Variants in P4HA1 observed in about 807,000 individuals in gnomAD.
The protein encoded by P4HA1 is prolyl 4-hydroxylase subunit alpha 1.
Under a neutral mutation model 72.8 loss-of-function variants are expected in P4HA1, and 24 were observed. The observed-to-expected ratio is 0.33, with a 90% CI of 0.24 to 0.46. The LOEUF (loss-of-function observed/expected upper bound fraction) is 0.46. Among genes scored for constraint, P4HA1 ranks in the 20% least tolerant of loss-of-function variants. The probability of loss-of-function intolerance (pLI) is 1.00; values close to 1 mark genes in which losing one functional copy is unlikely to be tolerated. For synonymous variants in P4HA1, 201 were observed against 218.8 expected (o/e 0.92, Z 0.72); for missense variants, 446 against 640.6 (o/e 0.70, Z 3.28).
At chr10:73,012,336 C>T (rs1255423195) in intron 12 of P4HA1, among the ~76,000 whole-genome samples, 1 of 152,136 alleles carries the variant, frequency 6.6e-6, no homozygotes, top group Non-Finnish European at 1.5e-5. Flanking sequence ...AAAAGTCTGA[C>T]AAACATACTT....
intron 12 of P4HA1, among the ~76,000 whole-genome samples, chr10:73,013,543 A>G (rs1384434226): frequency 6.6e-6 from 1 of 152,220 alleles, no homozygotes; most frequent in East Asian, 1.9e-4. Flanking sequence ...AGCCCAGTCA[A>G]CCTCATAACT....
At chr10:73,013,920 TAGAG>T (rs1479989912) in intron 12 of P4HA1, among the ~76,000 whole-genome samples, 1 of 152,134 alleles carries the variant, frequency 6.6e-6, no homozygotes, top group South Asian at 2.1e-4. Flanking sequence ...TTCAAATATA[TAGAG>T]ATTTTTATAT....
intron 10 of P4HA1, among the ~76,000 whole-genome samples, chr10:73,024,190 T>C (rs192253136): frequency 6.6e-6 from 1 of 152,200 alleles, no homozygotes; most frequent in Non-Finnish European, 1.5e-5. Context: ...AGAATATACA[T>C]TCTTCTCAGC....
chr10:73,063,772 C>T (rs1429194082), intron 5 of P4HA1, among the ~76,000 whole-genome samples: 1 of 152,146 alleles, frequency 6.6e-6, no homozygotes, highest in East Asian at 1.9e-4. Flanking sequence ...AGATTTTTAG[C>T]TATTCTGCTT....
chr10:73,013,431 AT>A (rs1405559288), intron 12 of P4HA1, among the ~76,000 whole-genome samples: 3 of 152,244 alleles, frequency 2.0e-5, no homozygotes, highest in African/African-American at 7.2e-5. Flanking sequence ...GACTTTAGGC[AT>A]TCTGGCTGAC....
At chr10:73,028,690 C>T (rs1197481989) in intron 10 of P4HA1, among the ~76,000 whole-genome samples, 1 of 151,988 alleles carries the variant, frequency 6.6e-6, no homozygotes, top group African/African-American at 2.4e-5. Context: ...CTGGCTCGGC[C>T]TCCCAAAATG....
intron 6 of P4HA1, among the ~76,000 whole-genome samples, 179 bp downstream of exon 6, chr10:73,053,172 A>T (rs1841058314): frequency 6.6e-6 from 1 of 152,238 alleles, no homozygotes; most frequent in South Asian, 2.1e-4. Flanking sequence ...ATTAGGTGAG[A>T]AAAATCAGCC....
chr10:73,093,136 AAG>A (rs1432621211), intron 1 of P4HA1, among the ~76,000 whole-genome samples: 8 of 151,690 alleles, frequency 5.3e-5, no homozygotes, highest in South Asian at 2.1e-4. Flanking sequence ...AAAAAAAAAA[AAG>A]AGAGAGTAAG....
At chr10:73,047,474 A>T (rs1053122295) in intron 7 of P4HA1, among the ~76,000 whole-genome samples, 2 of 150,218 alleles carry the variant, frequency 1.3e-5, no homozygotes, top group African/African-American at 4.9e-5. Flanking sequence ...ACTGGAAAGC[A>T]CCCAGAGACA....
intron 1 of P4HA1, among the ~76,000 whole-genome samples, 165 bp from the exon 2 acceptor site, chr10:73,075,080 A>C (rs1841665549): frequency 1.3e-5 from 2 of 152,184 alleles, no homozygotes; most frequent in Non-Finnish European, 2.9e-5. Flanking sequence ...CTTGTTTTTC[A>C]TATAATGAGA....
chr10:73,016,150 G>T (rs1840004046), intron 11 of P4HA1, among the ~76,000 whole-genome samples: 1 of 152,072 alleles, frequency 6.6e-6, no homozygotes, highest in African/African-American at 2.4e-5. Flanking sequence ...CTTGCCATGT[G>T]ATCACCCTCA....
At chr10:73,027,608 GGGAAGGAA>G (rs1359755085) in intron 10 of P4HA1, among the ~76,000 whole-genome samples, 1 of 122,198 alleles carries the variant, frequency 8.2e-6, no homozygotes, top group Non-Finnish European at 1.7e-5. Context: ...AAAAAAAAAA[GGGAAGGAA>G]GGAAGGAAAG....
At position 73,014,208 on chromosome 10, in the gene P4HA1, T is replaced by C. The variant is rs1839967488; in HGVS notation, c.1368+16A>G. ...TCAAATCCCAACTTAATCTAAAAAT[T>C]TTAGTGACGACTTACATAAAACAGC... On this transcript the variant is annotated intron_variant, in intron 12 of 14. Transcript: ENST00000394890. The C allele has an allele frequency of 5.7e-6, 9 of 1,577,218 alleles. No individual in the cohort carries two copies. Among genetic ancestry groups the C allele is most frequent in the Non-Finnish European group, 7.8e-6 (9 of 1,147,192 alleles).
chr10:73,009,690 A>T, intron 14 of P4HA1, 117 bp downstream of exon 14: 1 of 569,850 alleles, frequency 1.8e-6, no homozygotes. Context: ...TGAATCCTGT[A>T]CAATGTTAAA....
At chr10:73,084,025 A>T (rs1841876286) in intron 1 of P4HA1, among the ~76,000 whole-genome samples, 1 of 152,198 alleles carries the variant, frequency 6.6e-6, no homozygotes, top group Non-Finnish European at 1.5e-5. Context: ...GAGTTAGCAA[A>T]ATCCCAAATG....
At chr10:73,061,855 C>CA (rs910495348) in intron 5 of P4HA1, among the ~76,000 whole-genome samples, 4 of 152,074 alleles carry the variant, frequency 2.6e-5, no homozygotes, top group Non-Finnish European at 4.4e-5. Flanking sequence ...CACATCTCTG[C>CA]AAAAAATTTA....
rs1476041547 is a variant in P4HA1 at position 73,078,645 on chromosome 10, T to G, written c.-32-3730A>C. On this transcript the variant is annotated intron_variant, in intron 1 of 14. Transcript: ENST00000394890. ...TTTTTTTTTGGAGACAGAGTCTCAT[T>G]CTGTTGCCCAGGCTGGAGTGTAGTA... Among the ~76,000 whole-genome samples, 3 of 144,834 alleles carry G rather than the reference T, an allele frequency of 2.1e-5. No homozygotes were observed. The South Asian group carries it at 6.7e-4, about 32-fold the overall frequency.
intron 9 of P4HA1, among the ~76,000 whole-genome samples, chr10:73,033,256 GAACA>G (rs1386246174): frequency 2.0e-5 from 3 of 152,144 alleles, no homozygotes; most frequent in African/African-American, 7.2e-5. Context: ...AATGCCTCAT[GAACA>G]AACTGTTCCT....
chr10:73,096,490 G>A (rs1051442782), intron 1 of P4HA1, among the ~76,000 whole-genome samples: 6 of 152,152 alleles, frequency 3.9e-5, no homozygotes, highest in Non-Finnish European at 8.8e-5. Context: ...GGTCCCTAGG[G>A]CGGGGACTGA....
Sources: allele counts gnomAD v4.1 joint callset (sites outside exome capture counted in the v4.1 genomes callset), GRCh38; gene constraint gnomAD v4.1.1; transcripts MANE v1.5; gene names NCBI Gene and HGNC (gene_info 2026-07-23, HGNC 2026-07-21).